Variants in SNTG1 observed in about 807,000 individuals in gnomAD.
SNTG1 encodes the protein syntrophin gamma 1, also known as gamma-1-syntrophin.
In SNTG1, 39 loss-of-function variants were observed where a neutral mutation model predicts 74.7. The observed-to-expected ratio is 0.52, with a 90% CI of 0.40 to 0.68. The LOEUF (loss-of-function observed/expected upper bound fraction) is 0.68, where lower values mean the gene tolerates loss of function less well. Ranked by LOEUF, SNTG1 falls within the 30% of genes least tolerant of loss-of-function variation. The pLI is 0.00. For synonymous variants in SNTG1, 254 were observed against 217.1 expected (o/e 1.17, Z -1.49); for missense variants, 685 against 609.5 (o/e 1.12, Z -1.30).
intron 2 of SNTG1, among the ~76,000 whole-genome samples, chr8:50,326,496 T>A (rs1218276619): frequency 6.6e-6 from 1 of 152,042 alleles, no homozygotes; most frequent in Non-Finnish European, 1.5e-5. Flanking sequence ...TTTTATAGTA[T>A]TTTTTGTTAT....
At chr8:50,589,644 C>T (rs1482102691) in intron 12 of SNTG1, among the ~76,000 whole-genome samples, 1 of 149,672 alleles carries the variant, frequency 6.7e-6, no homozygotes, top group Non-Finnish European at 1.5e-5. Context: ...TTATTGAAGA[C>T]AAGGGCCCAC....
chr8:50,290,702 T>C (rs2089048506), intron 2 of SNTG1, among the ~76,000 whole-genome samples: 1 of 152,190 alleles, frequency 6.6e-6, no homozygotes, highest in Admixed American at 6.6e-5. Flanking sequence ...GTTATCATAT[T>C]AATAATAACT....
chr8:50,213,618 A>C (rs1274032664), intron 2 of SNTG1, among the ~76,000 whole-genome samples: 1 of 151,912 alleles, frequency 6.6e-6, no homozygotes, highest in African/African-American at 2.4e-5. Flanking sequence ...AATGATTGCC[A>C]TTCTAACTGG....
intron 1 of SNTG1, among the ~76,000 whole-genome samples, chr8:50,110,800 G>A (rs990234362): frequency 6.6e-6 from 1 of 151,888 alleles, no homozygotes; most frequent in Admixed American, 6.6e-5. Context: ...ATGTGGTCAT[G>A]TTCCAATTAA....
At chr8:50,397,734 A>G (rs1336940406) in intron 3 of SNTG1, among the ~76,000 whole-genome samples, 3 of 152,184 alleles carry the variant, frequency 2.0e-5, no homozygotes, top group Admixed American at 1.3e-4. Context: ...GTCATTGTAT[A>G]CAGGACAACT....
intron 1 of SNTG1, among the ~76,000 whole-genome samples, chr8:50,151,983 T>C (rs940457480): frequency 2.6e-5 from 4 of 152,166 alleles, no homozygotes; most frequent in Non-Finnish European, 4.4e-5. Context: ...TTCTGTCTCA[T>C]TGATCTGTCT....
chr8:50,037,946 AT>A (rs2130796690), intron 1 of SNTG1, among the ~76,000 whole-genome samples: 1 of 152,282 alleles, frequency 6.6e-6, no homozygotes, highest in Admixed American at 6.5e-5. Context: ...TGACACTGAA[AT>A]CCCTTCTGGC....
chr8:50,538,956 G>T (rs921852553), intron 11 of SNTG1, among the ~76,000 whole-genome samples: 6 of 151,940 alleles, frequency 3.9e-5, no homozygotes, highest in African/African-American at 1.2e-4. Context: ...ATTTAACTCT[G>T]CTCTTCAGCC....
intron 1 of SNTG1, among the ~76,000 whole-genome samples, chr8:50,058,728 T>C (rs1012656146): frequency 6.6e-6 from 1 of 150,950 alleles, no homozygotes; most frequent in Non-Finnish European, 1.5e-5. Flanking sequence ...ACAATTTTAC[T>C]TACATTTGTG....
At chr8:50,271,017 G>A (rs561494337) in intron 2 of SNTG1, among the ~76,000 whole-genome samples, 1 of 152,226 alleles carries the variant, frequency 6.6e-6, no homozygotes, top group Non-Finnish European at 1.5e-5. Flanking sequence ...CAGAAAAATA[G>A]ATGAATCTGA....
intron 2 of SNTG1, among the ~76,000 whole-genome samples, chr8:50,230,299 C>A: frequency 8.1e-6 from 1 of 123,434 alleles, no homozygotes; most frequent in Non-Finnish European, 1.8e-5. Flanking sequence ...ATGAAACTGA[C>A]AAATCTCTAA....
At chr8:50,452,012 T>G (rs189444652) in intron 8 of SNTG1, among the ~76,000 whole-genome samples, 70 of 152,358 alleles carry the variant, frequency 4.6e-4, no homozygotes, top group African/African-American at 1.6e-3. Context: ...AGATTGCTCC[T>G]CTGTTAAAAG....
In SNTG1 at chr8:50,793,708, T is replaced by C. The variant is rs1479233802; in HGVS notation, c.*879T>C. The C allele has an allele frequency of 6.6e-6, 1 of 152,018 alleles. No individual in the cohort carries two copies. Among genetic ancestry groups the C allele is most frequent in the East Asian group, 1.9e-4 (1 of 5,174 alleles). 9.4% of individuals were successfully genotyped at this position (152,018 alleles called of 1,614,324 possible). On this transcript the variant is annotated 3_prime_UTR_variant, in exon 19 of 19. Coordinates refer to ENST00000642720, the MANE Select transcript of SNTG1 (RefSeq NM_018967.5). The stretch of plus-strand genomic sequence containing the variant: ...AAAACCTTTTGTAGAGAAAATAATA[T>C]AAACAAATATGGTGTGAGAAACAAT...
chr8:49,988,847 A>G (rs1008020328), intron 1 of SNTG1, among the ~76,000 whole-genome samples: 2 of 151,982 alleles, frequency 1.3e-5, no homozygotes, highest in Non-Finnish European at 2.9e-5. Context: ...AGTCTTTTTC[A>G]TTAAAAAATG....
At chr8:50,636,131 C>T (rs1321122669) in intron 13 of SNTG1, among the ~76,000 whole-genome samples, 1 of 151,292 alleles carries the variant, frequency 6.6e-6, no homozygotes, top group Non-Finnish European at 1.5e-5. Flanking sequence ...GAGGTGACTA[C>T]TATGACTGAG....
intron 2 of SNTG1, among the ~76,000 whole-genome samples, chr8:50,329,981 A>G (rs1409559918): frequency 6.6e-6 from 1 of 152,300 alleles, no homozygotes. Context: ...GCACAGCAAG[A>G]GTGACATTTG....
At chr8:50,643,411 C>T (rs1360056446) in intron 13 of SNTG1, among the ~76,000 whole-genome samples, 1 of 152,192 alleles carries the variant, frequency 6.6e-6, no homozygotes, top group East Asian at 1.9e-4. Flanking sequence ...GGGCTTTGTG[C>T]TGCTGCAGTA....
At chr8:50,216,923 A>G (rs760844460) in intron 2 of SNTG1, among the ~76,000 whole-genome samples, 3 of 152,048 alleles carry the variant, frequency 2.0e-5, no homozygotes, top group Non-Finnish European at 4.4e-5. Context: ...TCAACATACC[A>G]GATAGTATCC....
At chr8:50,405,309 C>T (rs911784189) in intron 4 of SNTG1, among the ~76,000 whole-genome samples, 3 of 152,034 alleles carry the variant, frequency 2.0e-5, no homozygotes, top group African/African-American at 7.2e-5. Context: ...CATGCCAAGC[C>T]TGTTGTTTTC....
Sources: gnomAD v4.1 joint callset for allele counts (sites outside exome capture counted in the v4.1 genomes callset) on GRCh38, gnomAD v4.1.1 for gene constraint, MANE v1.5 for transcripts, NCBI Gene and HGNC (gene_info 2026-07-23, HGNC 2026-07-21) for gene names.